PDGFRB: variants seen among roughly 807,000 people sequenced by gnomAD.
PDGFRB encodes the protein platelet-derived growth factor receptor beta.
PDGFRB carries 42 observed loss-of-function variants against 120.2 expected under a neutral mutation model. The observed-to-expected ratio is 0.35, with a 90% CI of 0.27 to 0.45. PDGFRB has a LOEUF of 0.45. Among genes scored for constraint, PDGFRB ranks in the 20% least tolerant of loss-of-function variants. PDGFRB has a pLI of 1.00. For synonymous variants in PDGFRB, 586 were observed against 606.8 expected (o/e 0.97, Z 0.50); for missense variants, 1,149 against 1,476.3 (o/e 0.78, Z 3.63).
At chr5:150,144,896 C>T (rs533205642) in intron 1 of PDGFRB, among the ~76,000 whole-genome samples, 2 of 152,362 alleles carry the variant, frequency 1.3e-5, no homozygotes, top group South Asian at 2.1e-4. Context: ...CCACCCACCC[C>T]GGCCCCATCT....
In PDGFRB at chr5:150,121,916, T is replaced by G; in HGVS notation, c.2308A>C (p.Asn770His). 1 of 1,613,702 alleles carries G rather than the reference T, an allele frequency of 6.2e-7. No homozygotes were observed. Among genetic ancestry groups the G allele is most frequent in the Non-Finnish European group, 8.5e-7 (1 of 1,179,602 alleles). ...TAGTTATCGTAAGGGGCCATGTAGT[T>G]GGAGGACTCGATGTCTGCATATTTG... ...DVKYADIESS[N>H]YMAPYDNYVP... is the part of the protein sequence containing the mutation. Residue 770 changes from asparagine to histidine, a missense_variant, in exon 16 of 23, where the codon AAC (asparagine) becomes CAC (histidine). Transcript: ENST00000261799. The surrounding 1 kb of genome is among the most constrained non-coding windows in gnomAD (Gnocchi z 4.1).
intron 22 of PDGFRB, 74 bp downstream of exon 22, chr5:150,117,544 G>GCGCC (rs369019315): frequency 5.6e-5 from 29 of 516,506 alleles, no homozygotes; most frequent in Non-Finnish European, 9.3e-5. Context: ...GCGCGCGCGC[G>GCGCC]CACACACACA....
At chr5:150,149,338 G>GGGC (rs1211842554) in intron 1 of PDGFRB, among the ~76,000 whole-genome samples, 4 of 152,326 alleles carry the variant, frequency 2.6e-5, no homozygotes, top group African/African-American at 9.6e-5. Flanking sequence ...TGGAAATGCA[G>GGGC]GGCTCTTTGT....
At position 150,120,864 on chromosome 5, in the gene PDGFRB, G is replaced by A. The variant is rs200234246; in HGVS notation, c.2586+24C>T. On this transcript the variant is annotated intron_variant, in intron 18 of 22. Coordinates refer to ENST00000261799, the MANE Select transcript of PDGFRB (RefSeq NM_002609.4). This position sits in a 1 kb window ranked among gnomAD's most constrained non-coding sequence, Gnocchi z 4.3. Reference sequence around the variant, plus strand: ...CGGTCACAGGCACTGTGACTGCCCTGCAGGGGCCAGGGAAGGTACTCACGC... The same window carrying A: ...CGGTCACAGGCACTGTGACTGCCCTACAGGGGCCAGGGAAGGTACTCACGC... The A allele has an allele frequency of 5.0e-5, 80 of 1,612,002 alleles. No individual in the cohort carries two copies. The East Asian group carries it at 1.1e-3, about 23-fold the overall frequency.
intron 8 of PDGFRB, 42 bp from the exon 9 acceptor site, chr5:150,130,704 G>A: frequency 6.2e-7 from 1 of 1,603,158 alleles, no homozygotes; most frequent in Non-Finnish European, 8.5e-7. Flanking sequence ...GGAGGGTCAG[G>A]ACAGTTAACA....
chr5:150,123,043 T>A lies in PDGFRB; in HGVS notation c.2182A>T (p.Ser728Cys), dbSNP rs1379063670. The A allele has an allele frequency of 6.2e-7, 1 of 1,612,364 alleles. No individual in the cohort carries two copies. Among genetic ancestry groups the A allele is most frequent in the African/African-American group, 1.3e-5 (1 of 74,936 alleles). ...NALPVGLPLP[S>C]HVSLTGESDG... is the part of the protein sequence containing the mutation. ...AGTCCCTGGCCTCCCTCCTGGTACC[T>A]GGGCAGGGGGAGCCCAACGGGCAGA... The change falls in exon 15 of 23, where the codon AGC becomes TGC. Residue 728 changes from serine (S) to cysteine (C), a missense_variant and splice_region_variant. Ser to Cys is a moderately radical substitution (Grantham distance 112). This residue lies in a region of PDGFRB where 879 missense variants were observed against 1,108.6 expected (regional missense o/e 0.79). Coordinates refer to ENST00000261799, the MANE Select transcript of PDGFRB (RefSeq NM_002609.4).
chr5:150,129,673 T>C (rs1760397647), intron 10 of PDGFRB, 84 bp downstream of exon 10: 3 of 1,155,424 alleles, frequency 2.6e-6, no homozygotes, highest in Non-Finnish European at 3.7e-6. Flanking sequence ...TTTGGCCTGC[T>C]GTGGGTACAT....
At chr5:150,137,757 C>A (rs1181784034) in intron 1 of PDGFRB, among the ~76,000 whole-genome samples, 2 of 152,176 alleles carry the variant, frequency 1.3e-5, no homozygotes, top group Admixed American at 1.3e-4. Flanking sequence ...GCTCCCCCCA[C>A]CCCCACCCCC....
chr5:150,133,250 G>A (rs185122789), intron 6 of PDGFRB, among the ~76,000 whole-genome samples: 61 of 152,330 alleles, frequency 4.0e-4, no homozygotes, highest in African/African-American at 1.4e-3. Flanking sequence ...GGGCTTCCCG[G>A]ACCTGGGATG....
rs1255525301 is a variant in PDGFRB at position 150,115,613 on chromosome 5, G to A, written c.*150C>T. 7.3e-6 allele frequency: 5 copies of A among 686,428 alleles called. No individual in the cohort carries two copies. The highest frequency in any genetic ancestry group is 6.7e-6 in the Non-Finnish European group (3 of 447,954). 42.5% of individuals were successfully genotyped at this position (686,428 alleles called of 1,614,324 possible). A position where few individuals can be genotyped will look rare whatever the true frequency, so the allele number is the denominator to read the frequency against. On this transcript the variant is annotated 3_prime_UTR_variant, in exon 23 of 23. Coordinates refer to ENST00000261799, the MANE Select transcript of PDGFRB (RefSeq NM_002609.4). ...CCTCCTAAGCCAGCCCCAGGGTTTGGGGCACAACACGTCAGGAGCAGAAAG... is the reference window on the plus strand; with the variant it reads ...CCTCCTAAGCCAGCCCCAGGGTTTGAGGCACAACACGTCAGGAGCAGAAAG...
intron 14 of PDGFRB, 54 bp downstream of exon 14, chr5:150,124,196 T>C (rs1760227103): frequency 1.6e-6 from 2 of 1,244,520 alleles, no homozygotes; most frequent in South Asian, 1.2e-5. Context: ...AGGCGGGGCC[T>C]GGCCTTGGTG....
intron 22 of PDGFRB, 69 bp downstream of exon 22, chr5:150,117,549 C>CACAG (rs1759993511): frequency 2.9e-5 from 16 of 553,084 alleles, no homozygotes; most frequent in Non-Finnish European, 4.2e-5. Flanking sequence ...CGCGCGCACA[C>CACAG]ACACACACAC....
rs1369040662 is a variant in PDGFRB, at chr5:150,134,871, A to G, written c.510T>C (p.Pro170=). ...AGCCACGTTGGTGATCATAGGGGAC[A>G]GGCAGTGCAACGTCCCCTTTCTTCT... The part of the protein sequence containing the change: ...LHEKKGDVAL[P]VPYDHQRGFS... The change falls in exon 4 of 23, where the codon CCT becomes CCC. Residue 170 remains proline, a synonymous_variant. Transcript: ENST00000261799. The G allele has an allele frequency of 1.7e-5, 28 of 1,614,088 alleles. No individual in the cohort carries two copies. The highest frequency in any genetic ancestry group is 2.4e-5 in the Non-Finnish European group (28 of 1,179,900).
intron 11 of PDGFRB, 66 bp from the exon 12 acceptor site, chr5:150,125,643 G>T: frequency 6.5e-7 from 1 of 1,531,822 alleles, no homozygotes; most frequent in Non-Finnish European, 9.0e-7. Flanking sequence ...CATTAGGTTC[G>T]TCCGTCTAGG....
At chr5:150,149,929 C>A (rs1761027047) in intron 1 of PDGFRB, among the ~76,000 whole-genome samples, 1 of 152,218 alleles carries the variant, frequency 6.6e-6, no homozygotes, top group Non-Finnish European at 1.5e-5. Context: ...ATGGTAGGAA[C>A]TCTCAGGGGC....
In PDGFRB at chr5:150,122,012, C is replaced by T. The variant is rs150474738; in HGVS notation, c.2212G>A (p.Gly738Ser). Residue 738 changes from glycine to serine, a missense_variant, in exon 16 of 23, where the codon GGT becomes AGT. Around this residue, in one of 3 missense-constraint regions of PDGFRB, gnomAD observed 879 missense variants for 1,108.6 expected, o/e 0.79. Coordinates refer to ENST00000261799, the MANE Select transcript of PDGFRB (RefSeq NM_002609.4). ...SHVSLTGESDGGYMDMSKDES... is the reference protein window; with the variant it reads ...SHVSLTGESDSGYMDMSKDES... ...TCCTTGCTCATGTCCATGTAGCCACCGTCGCTCTCCCCGGTCAAGGACACA... is the reference window on the plus strand; with the variant it reads ...TCCTTGCTCATGTCCATGTAGCCACTGTCGCTCTCCCCGGTCAAGGACACA... 97 of 1,613,768 alleles carry T rather than the reference C, an allele frequency of 6.0e-5. No individual in the cohort carries two copies. The Admixed American group carries it at 8.2e-4, about 14-fold the overall frequency.
Position 150,124,103 on chromosome 5 carries a change from G to A in PDGFRB, c.2023+147C>T, listed in dbSNP as rs572712394. The stretch of plus-strand genomic sequence containing the variant: ...GTTTCTAAACCCCACCGCCCTCTGG[G>A]ACCGCGCAGTGAGGGCGCTGGAGCG... On this transcript the variant is annotated intron_variant, in intron 14 of 22. Transcript: ENST00000261799. 2.8e-4 allele frequency: 138 copies of A among 494,468 alleles called. No individual in the cohort carries two copies. In the East Asian group the frequency reaches 4.4e-3, roughly 16 times the overall value. 30.6% of individuals were successfully genotyped at this position (494,468 alleles called of 1,614,324 possible).
chr5:150,120,853 G>A lies in PDGFRB; in HGVS notation c.2586+35C>T, dbSNP rs1490723518. On this transcript the variant is annotated intron_variant, in intron 18 of 22. Coordinates refer to ENST00000261799, the MANE Select transcript of PDGFRB (RefSeq NM_002609.4). The surrounding 1 kb of genome is among the most constrained non-coding windows in gnomAD (Gnocchi z 4.3). Reference sequence around the variant, plus strand: ...ATCTGTTCCTGCGGTCACAGGCACTGTGACTGCCCTGCAGGGGCCAGGGAA... The same window carrying A: ...ATCTGTTCCTGCGGTCACAGGCACTATGACTGCCCTGCAGGGGCCAGGGAA... 1 of 1,608,082 alleles carries A rather than the reference G, an allele frequency of 6.2e-7. No homozygotes were observed. Among genetic ancestry groups the A allele is most frequent in the Non-Finnish European group, 8.5e-7 (1 of 1,174,650 alleles).
intron 1 of PDGFRB, among the ~76,000 whole-genome samples, chr5:150,138,282 G>T (rs1760693151): frequency 6.6e-6 from 1 of 152,172 alleles, no homozygotes; most frequent in African/African-American, 2.4e-5. Flanking sequence ...GCCATGCCCA[G>T]CTTGCCCCTA....
Sources: gnomAD v4.1 joint callset for allele counts (sites outside exome capture counted in the v4.1 genomes callset) on GRCh38, gnomAD v4.1.1 for gene constraint, gnomAD v4.1.1 regional missense constraint, Gnocchi (gnomAD v3.1) non-coding constraint, MANE v1.5 for transcripts, NCBI Gene and HGNC (gene_info 2026-07-23, HGNC 2026-07-21) for gene names.